Variants in WWOX observed in about 807,000 individuals in gnomAD.
WWOX encodes WW domain containing oxidoreductase, also known as WW domain-containing oxidoreductase.
In WWOX, 69 loss-of-function variants were observed where a neutral mutation model predicts 46.2. The observed-to-expected ratio is 1.49, with a 90% CI of 1.23 to 1.82. WWOX has a LOEUF of 1.82. Ranked by LOEUF, WWOX falls within the 40% of genes most tolerant of loss-of-function variation. WWOX has a pLI of 0.00. For synonymous variants in WWOX, 359 were observed against 202.6 expected (o/e 1.77, Z -6.56); for missense variants, 919 against 542.6 (o/e 1.69, Z -6.89).
At chr16:78,814,929 C>G (rs1429727870) in intron 8 of WWOX, among the ~76,000 whole-genome samples, 1 of 152,130 alleles carries the variant, frequency 6.6e-6, no homozygotes, top group African/African-American at 2.4e-5. Context: ...GGAAGCTGAC[C>G]ATAGTTGGCT....
intron 8 of WWOX, among the ~76,000 whole-genome samples, chr16:78,609,730 T>G (rs140071569): frequency 6.6e-6 from 1 of 152,206 alleles, no homozygotes; most frequent in African/African-American, 2.4e-5. Flanking sequence ...AAATATAGTT[T>G]CGTTTGGAAA....
chr16:78,864,496 T>G (rs1038195953), intron 8 of WWOX, among the ~76,000 whole-genome samples: 18 of 152,108 alleles, frequency 1.2e-4, no homozygotes, highest in African/African-American at 4.3e-4. Context: ...CTTACACTCC[T>G]GGGATCAGGA....
At chr16:78,924,233 A>C (rs533844715) in intron 8 of WWOX, among the ~76,000 whole-genome samples, 1 of 152,194 alleles carries the variant, frequency 6.6e-6, no homozygotes, top group African/African-American at 2.4e-5. Context: ...CTGTGAATTC[A>C]TAGACGTCTT....
chr16:78,776,558 C>T (rs1002851516), intron 8 of WWOX, among the ~76,000 whole-genome samples: 3 of 152,168 alleles, frequency 2.0e-5, no homozygotes, highest in Non-Finnish European at 4.4e-5. Context: ...GTGTGCCATA[C>T]TTACCTTTAT....
chr16:79,063,878 A>G (rs1259573174), intron 8 of WWOX, among the ~76,000 whole-genome samples: 2 of 152,230 alleles, frequency 1.3e-5, no homozygotes, highest in Non-Finnish European at 2.9e-5. Context: ...ATCAATTTTA[A>G]AGTAGGAATT....
At chr16:78,631,961 T>A (rs180706154) in intron 8 of WWOX, among the ~76,000 whole-genome samples, 24 of 152,282 alleles carry the variant, frequency 1.6e-4, no homozygotes, top group African/African-American at 5.8e-4. Context: ...TGGTTTATTT[T>A]TTTTTAAGTC....
chr16:78,533,078 C>G (rs1161982002), intron 8 of WWOX, among the ~76,000 whole-genome samples: 1 of 152,038 alleles, frequency 6.6e-6, no homozygotes, highest in African/African-American at 2.4e-5. Context: ...ATGGGAGTAT[C>G]CTAGCCTCAG....
At chr16:78,618,883 C>T (rs905488223) in intron 8 of WWOX, among the ~76,000 whole-genome samples, 3 of 151,522 alleles carry the variant, frequency 2.0e-5, no homozygotes, top group African/African-American at 7.3e-5. Flanking sequence ...ATGTGCCCAG[C>T]ATGGATCTTC....
At chr16:78,281,635 G>C (rs1349806923) in intron 5 of WWOX, among the ~76,000 whole-genome samples, 2 of 152,112 alleles carry the variant, frequency 1.3e-5, no homozygotes, top group African/African-American at 4.8e-5. Flanking sequence ...ACATGTAAAG[G>C]AGCAGGCATG....
intron 6 of WWOX, among the ~76,000 whole-genome samples, chr16:78,400,454 C>A (rs1482924561): frequency 6.6e-6 from 1 of 152,150 alleles, no homozygotes; most frequent in African/African-American, 2.4e-5. Context: ...GGCTGTCACC[C>A]CCAGGATTCT....
chr16:78,176,257 A>G (rs2345440), intron 5 of WWOX, among the ~76,000 whole-genome samples: 1 of 152,052 alleles, frequency 6.6e-6, no homozygotes. Flanking sequence ...AGATATTGGG[A>G]TACTAAAAGT....
At chr16:78,800,407 C>T (rs935097480) in intron 8 of WWOX, among the ~76,000 whole-genome samples, 3 of 152,166 alleles carry the variant, frequency 2.0e-5, no homozygotes, top group Admixed American at 6.5e-5. Context: ...ATAATATCTG[C>T]AGGCTATGAT....
intron 5 of WWOX, among the ~76,000 whole-genome samples, chr16:78,378,818 G>A (rs1183419680): frequency 6.6e-6 from 1 of 152,168 alleles, no homozygotes; most frequent in African/African-American, 2.4e-5. Flanking sequence ...TTCTCCTTCA[G>A]CGGTAACACT....
At chr16:78,405,598 T>C (rs2082508951) in intron 6 of WWOX, among the ~76,000 whole-genome samples, 1 of 152,234 alleles carries the variant, frequency 6.6e-6, no homozygotes, top group South Asian at 2.1e-4. Context: ...ATAAGTATCT[T>C]ATAAATGTGG....
rs193302010 is a variant in WWOX, at chr16:78,741,482, C to T, written c.1056+308730C>T. Among the ~76,000 whole-genome samples, 341 of 150,134 alleles carry T rather than the reference C, an allele frequency of 2.3e-3. 1 individual carries two copies. The highest frequency in any genetic ancestry group is 7.6e-3 in the African/African-American group (310 of 40,792). On this transcript the variant is annotated intron_variant, in intron 8 of 8. Coordinates refer to ENST00000566780, the MANE Select transcript of WWOX (RefSeq NM_016373.4). ...GGCTGAGGCAGGAGAATCACTTGAA[C>T]CTGGGAGGCAGAGGTTGAAGTGACC... is the stretch of plus-strand genomic sequence containing the variant.
intron 8 of WWOX, among the ~76,000 whole-genome samples, chr16:78,965,524 G>A (rs2046348462): frequency 6.6e-6 from 1 of 151,298 alleles, no homozygotes; most frequent in African/African-American, 2.4e-5. Flanking sequence ...GAGCCGAGAT[G>A]GCACCATTGC....
intron 8 of WWOX, among the ~76,000 whole-genome samples, chr16:78,913,986 T>A (rs956459859): frequency 6.6e-6 from 1 of 151,946 alleles, no homozygotes; most frequent in Non-Finnish European, 1.5e-5. Context: ...GACAAGAAAT[T>A]GTACCAGGAA....
intron 5 of WWOX, among the ~76,000 whole-genome samples, chr16:78,237,108 G>A (rs113248663): frequency 6.7e-6 from 1 of 148,804 alleles, no homozygotes; most frequent in East Asian, 2.0e-4. Flanking sequence ...CTGTGTTCTT[G>A]CCTGGCTTAT....
chr16:78,262,707 C>T (rs1053513331), intron 5 of WWOX, among the ~76,000 whole-genome samples: 2 of 152,158 alleles, frequency 1.3e-5, no homozygotes, highest in Non-Finnish European at 2.9e-5. Flanking sequence ...ACTTACAGAC[C>T]TGCCCTACCT....
Sources: gnomAD v4.1 joint callset for allele counts (sites outside exome capture counted in the v4.1 genomes callset) on GRCh38, gnomAD v4.1.1 for gene constraint, MANE v1.5 for transcripts, NCBI Gene and HGNC (gene_info 2026-07-23, HGNC 2026-07-21) for gene names.